IPCEF1: variants seen among roughly 807,000 people sequenced by gnomAD.
IPCEF1 encodes interactor protein for cytohesin exchange factors 1.
In IPCEF1, 31 loss-of-function variants were observed where a neutral mutation model predicts 50.9. The observed-to-expected ratio is 0.61, with a 90% CI of 0.46 to 0.82. The LOEUF is 0.82. Among genes scored for constraint, IPCEF1 ranks in the 40% least tolerant of loss-of-function variants. The pLI is 0.00. For synonymous variants in IPCEF1, 181 were observed against 192.0 expected (o/e 0.94, Z 0.47); for missense variants, 458 against 514.0 (o/e 0.89, Z 1.05).
intron 10 of IPCEF1, among the ~76,000 whole-genome samples, chr6:154,193,747 CAAG>C (rs2128584085): frequency 6.6e-6 from 1 of 152,346 alleles, no homozygotes; most frequent in African/African-American, 2.4e-5. Context: ...GCCAGACAGA[CAAG>C]GAGGAGAGGC....
rs571716046 is a variant in IPCEF1, at chr6:154,314,624, T to C, written c.-61-24868A>G. Among the ~76,000 whole-genome samples, 4 of 152,288 alleles carry C rather than the reference T, an allele frequency of 2.6e-5. No individual in the cohort carries two copies. The South Asian group carries it at 8.3e-4, about 32-fold the overall frequency. On this transcript the variant is annotated intron_variant, in intron 1 of 11. Coordinates refer to ENST00000367220, the MANE Select transcript of IPCEF1 (RefSeq NM_001130700.2). ...AAAAGAAAACTCAGAACAGTATTAA[T>C]TACTGTTTCTAATTGAATTCTCGTA...
chr6:154,295,282 T>C (rs541242857), intron 1 of IPCEF1, among the ~76,000 whole-genome samples: 1 of 152,346 alleles, frequency 6.6e-6, no homozygotes, highest in South Asian at 2.1e-4. Context: ...GCTCATGCAT[T>C]AAGTATTCAT....
intron 1 of IPCEF1, among the ~76,000 whole-genome samples, chr6:154,335,795 T>C (rs967327374): frequency 1.3e-5 from 2 of 152,040 alleles, no homozygotes; most frequent in African/African-American, 4.8e-5. Flanking sequence ...TCAAACAACT[T>C]AACAGTAACA....
chr6:154,204,738 C>T (rs1777349624), intron 9 of IPCEF1, among the ~76,000 whole-genome samples: 1 of 152,166 alleles, frequency 6.6e-6, no homozygotes, highest in African/African-American at 2.4e-5. Context: ...CACCCCAGTC[C>T]ATCCTCCAAA....
intron 5 of IPCEF1, among the ~76,000 whole-genome samples, chr6:154,224,975 C>T (rs563210768): frequency 4.0e-4 from 61 of 152,164 alleles, no homozygotes; most frequent in African/African-American, 1.3e-3. Flanking sequence ...ATTCTCAATC[C>T]GCCTTACAAA....
chr6:154,331,096 G>A (rs1053948257), intron 1 of IPCEF1, among the ~76,000 whole-genome samples: 13 of 151,804 alleles, frequency 8.6e-5, no homozygotes, highest in South Asian at 2.1e-4. Flanking sequence ...GCAAAACCCC[G>A]TCTCTACTAA....
At chr6:154,346,829 C>A (rs1351514898) in intron 1 of IPCEF1, among the ~76,000 whole-genome samples, 1 of 152,210 alleles carries the variant, frequency 6.6e-6, no homozygotes, top group Non-Finnish European at 1.5e-5. Flanking sequence ...GTTTCCTCCC[C>A]CAACACGTGG....
chr6:154,230,086 T>G (rs78922878), intron 5 of IPCEF1, among the ~76,000 whole-genome samples: 3,866 of 152,136 alleles, frequency 0.025, 173 homozygotes, highest in African/African-American at 0.088. Flanking sequence ...TAAATGGGGA[T>G]GGGGGATCTT....
At chr6:154,332,223 AT>A (rs1333085063) in intron 1 of IPCEF1, among the ~76,000 whole-genome samples, 1 of 151,540 alleles carries the variant, frequency 6.6e-6, no homozygotes, top group Non-Finnish European at 1.5e-5. Flanking sequence ...GGATCATGAT[AT>A]TTTTATACTT....
intron 9 of IPCEF1, among the ~76,000 whole-genome samples, chr6:154,208,393 G>A (rs530316986): frequency 6.6e-6 from 1 of 152,256 alleles, no homozygotes; most frequent in African/African-American, 2.4e-5. Context: ...CTCTCAGTCG[G>A]ACGTGTCCTG....
At chr6:154,173,576 T>C (rs1004540518) in intron 10 of IPCEF1, among the ~76,000 whole-genome samples, 5 of 152,080 alleles carry the variant, frequency 3.3e-5, no homozygotes, top group African/African-American at 7.2e-5. Context: ...GGATCAGTGA[T>C]TGAAGATCAA....
At chr6:154,190,566 C>G (rs577801731) in intron 10 of IPCEF1, among the ~76,000 whole-genome samples, 6 of 152,234 alleles carry the variant, frequency 3.9e-5, no homozygotes, top group Middle Eastern at 6.8e-3. Flanking sequence ...GGTGGGAATG[C>G]AAAATGGTAC....
intron 9 of IPCEF1, among the ~76,000 whole-genome samples, chr6:154,203,046 G>A (rs137949807): frequency 6.8e-4 from 104 of 152,254 alleles, no homozygotes; most frequent in Non-Finnish European, 1.1e-3. Flanking sequence ...TTTATAGACC[G>A]TGTAGTGCTA....
chr6:154,209,823 GA>G (rs968176404), intron 9 of IPCEF1, among the ~76,000 whole-genome samples: 80 of 151,830 alleles, frequency 5.3e-4, no homozygotes, highest in Middle Eastern at 3.4e-3. Context: ...TTCTAAGGGG[GA>G]AAAAAAATCT....
chr6:154,225,646 G>A (rs1232878711), intron 5 of IPCEF1, among the ~76,000 whole-genome samples: 1 of 152,186 alleles, frequency 6.6e-6, no homozygotes, highest in Non-Finnish European at 1.5e-5. Flanking sequence ...TTGGGGTGAT[G>A]AAAATGTTCA....
intron 2 of IPCEF1, among the ~76,000 whole-genome samples, chr6:154,281,518 A>G (rs773955111): frequency 2.0e-5 from 3 of 152,098 alleles, no homozygotes; most frequent in African/African-American, 2.4e-5. Context: ...GCTTGTCTCT[A>G]AATAAATAAA....
At chr6:154,179,320 A>G (rs1800634291) in intron 10 of IPCEF1, among the ~76,000 whole-genome samples, 1 of 152,232 alleles carries the variant, frequency 6.6e-6, no homozygotes, top group South Asian at 2.1e-4. Context: ...TCAGTAAAGC[A>G]GTATTTTAAA....
intron 3 of IPCEF1, among the ~76,000 whole-genome samples, chr6:154,248,780 A>G (rs1350939730): frequency 1.3e-5 from 2 of 152,130 alleles, no homozygotes; most frequent in South Asian, 2.1e-4. Context: ...TTCTAATCCT[A>G]TAGGTCTTAT....
Position 154,330,325 on chromosome 6 carries a change from CTTTTTT to C in IPCEF1, c.-62+26341_-62+26346del, listed in dbSNP as rs138406253. On this transcript the variant is annotated intron_variant, in intron 1 of 11. Transcript: ENST00000367220. ...AACGGGACTTCTACAATTATAGCCTCTTTTTTTTTTTTTTTTTTTTTTTTTTTAAGA... is the reference window on the plus strand; with the variant it reads ...AACGGGACTTCTACAATTATAGCCTCTTTTTTTTTTTTTTTTTTTTTAAGA... Among the ~76,000 whole-genome samples the C allele has an allele frequency of 6.8e-3, 605 of 89,256 alleles. 4 individuals carry two copies. The highest frequency in any genetic ancestry group is 0.024 in the African/African-American group (575 of 23,760). 58.6% of individuals were successfully genotyped at this position (89,256 alleles called of 152,430 possible). A position where few individuals can be genotyped will look rare whatever the true frequency, so the allele number is the denominator to read the frequency against.
Sources: gnomAD v4.1 joint callset for allele counts (sites outside exome capture counted in the v4.1 genomes callset) on GRCh38, gnomAD v4.1.1 for gene constraint, MANE v1.5 for transcripts, NCBI Gene and HGNC (gene_info 2026-07-23, HGNC 2026-07-21) for gene names.